Variants in CDKAL1 observed in about 807,000 individuals in gnomAD.
CDKAL1 encodes threonylcarbamoyladenosine tRNA methylthiotransferase.
A neutral mutation model predicts 68.2 loss-of-function variants in CDKAL1; 32 were observed. That is an observed-to-expected ratio of 0.47 (90% confidence interval 0.35 to 0.63). CDKAL1 has a LOEUF of 0.63. Among genes scored for constraint, CDKAL1 ranks in the 30% least tolerant of loss-of-function variants. CDKAL1 has a pLI of 0.00. For synonymous variants in CDKAL1, 234 were observed against 244.3 expected, an observed-to-expected ratio of 0.96 and a Z score of 0.39; for missense variants, 606 against 696.7, an observed-to-expected ratio of 0.87 and a Z score of 1.47.
chr6:21,196,805 C>T (rs1285753413), intron 13 of CDKAL1, among the ~76,000 whole-genome samples: 3 of 152,050 alleles, frequency 2.0e-5, no homozygotes, highest in Admixed American at 1.3e-4. Flanking sequence ...AAATAATCCC[C>T]GGCACAGTCA....
At chr6:21,149,442 G>C (rs1012647880) in intron 13 of CDKAL1, among the ~76,000 whole-genome samples, 2 of 152,084 alleles carry the variant, frequency 1.3e-5, no homozygotes, top group African/African-American at 2.4e-5. Context: ...CACCACGCCT[G>C]GCCCCAAAAA....
chr6:20,626,105 T>TAA (rs1767420962), intron 4 of CDKAL1, among the ~76,000 whole-genome samples: 1 of 152,200 alleles, frequency 6.6e-6, no homozygotes, highest in South Asian at 2.1e-4. Flanking sequence ...AGTTCACTTT[T>TAA]GTTACATTTT....
chr6:20,655,406 A>G (rs1460794916), intron 5 of CDKAL1, among the ~76,000 whole-genome samples: 2 of 152,156 alleles, frequency 1.3e-5, no homozygotes, highest in African/African-American at 4.8e-5. Context: ...TTGACTTGAG[A>G]TGGAAGAATT....
chr6:20,707,193 G>A (rs1771639196), intron 5 of CDKAL1, among the ~76,000 whole-genome samples: 1 of 152,164 alleles, frequency 6.6e-6, no homozygotes. Flanking sequence ...GCAGTGGATA[G>A]CCACCTGCTA....
chr6:20,726,949 C>G (rs1291999885), intron 5 of CDKAL1, among the ~76,000 whole-genome samples: 1 of 152,050 alleles, frequency 6.6e-6, no homozygotes, highest in Non-Finnish European at 1.5e-5. Context: ...TTGTGCAGCC[C>G]CTATAAACTA....
At chr6:20,976,863 G>C (rs942410605) in intron 10 of CDKAL1, among the ~76,000 whole-genome samples, 6 of 152,198 alleles carry the variant, frequency 3.9e-5, no homozygotes, top group Admixed American at 1.3e-4. Flanking sequence ...TTGCTGTGAA[G>C]TGTTGTTTTA....
At chr6:20,833,411 C>T (rs1440281887) in intron 8 of CDKAL1, among the ~76,000 whole-genome samples, 1 of 152,066 alleles carries the variant, frequency 6.6e-6, no homozygotes, top group African/African-American at 2.4e-5. Flanking sequence ...AAACCATCCT[C>T]GCCACTTCCC....
chr6:21,069,804 T>TAA (rs1554169910), intron 12 of CDKAL1, among the ~76,000 whole-genome samples: 2,206 of 85,512 alleles, frequency 0.026, 88 homozygotes, highest in South Asian at 0.053. Flanking sequence ...TTTTTTTTTT[T>TAA]AAAACAGAGC....
intron 10 of CDKAL1, among the ~76,000 whole-genome samples, chr6:20,983,965 T>C (rs1386683504): frequency 6.6e-6 from 1 of 152,134 alleles, no homozygotes; most frequent in Admixed American, 6.5e-5. Flanking sequence ...TGAGAGACAT[T>C]TGATTGAGCA....
chr6:21,003,367 T>TAC (rs1483081425), intron 11 of CDKAL1, among the ~76,000 whole-genome samples: 3 of 65,666 alleles, frequency 4.6e-5, no homozygotes, highest in African/African-American at 2.6e-4. Context: ...TATATATATA[T>TAC]ATATACACAC....
intron 12 of CDKAL1, among the ~76,000 whole-genome samples, chr6:21,071,268 G>A (rs889380205): frequency 1.7e-4 from 26 of 152,022 alleles, no homozygotes; most frequent in African/African-American, 6.0e-4. Flanking sequence ...ATTCCCCCAT[G>A]CTGTTTTCAT....
chr6:20,987,608 T>C (rs971407931), intron 10 of CDKAL1, among the ~76,000 whole-genome samples: 13 of 152,198 alleles, frequency 8.5e-5, no homozygotes, highest in African/African-American at 3.1e-4. Context: ...TAAAACCTTT[T>C]GTTGCTCTTG....
chr6:21,067,095 G>A (rs1057040415), intron 12 of CDKAL1, among the ~76,000 whole-genome samples: 4 of 152,020 alleles, frequency 2.6e-5, no homozygotes, highest in African/African-American at 7.2e-5. Flanking sequence ...GTATATGGCT[G>A]TGCACTTTTG....
At chr6:20,776,544 C>T (rs142858659) in intron 7 of CDKAL1, among the ~76,000 whole-genome samples, 9 of 152,202 alleles carry the variant, frequency 5.9e-5, no homozygotes, top group East Asian at 1.9e-4. Flanking sequence ...AAATGACAGG[C>T]GATGAAACAT....
chr6:20,985,367 C>G (rs1449125383), intron 10 of CDKAL1, among the ~76,000 whole-genome samples: 1 of 152,182 alleles, frequency 6.6e-6, no homozygotes, highest in African/African-American at 2.4e-5. Context: ...GATCTCGGCT[C>G]ACTGCAACCT....
At chr6:21,031,923 G>A (rs910388560) in intron 11 of CDKAL1, among the ~76,000 whole-genome samples, 1 of 152,104 alleles carries the variant, frequency 6.6e-6, no homozygotes, top group Admixed American at 6.5e-5. Context: ...CCTGGTTTAT[G>A]CCTGTTTTCC....
At chr6:21,051,793 A>G (rs1770556307) in intron 11 of CDKAL1, among the ~76,000 whole-genome samples, 1 of 152,224 alleles carries the variant, frequency 6.6e-6, no homozygotes, top group African/African-American at 2.4e-5. Flanking sequence ...GGGAAGCACC[A>G]TCCTGAGCAA....
chr6:21,173,636 C>A (rs1777475964), intron 13 of CDKAL1, among the ~76,000 whole-genome samples: 1 of 152,178 alleles, frequency 6.6e-6, no homozygotes, highest in African/African-American at 2.4e-5. Context: ...GGGGCTATAA[C>A]TGAAAGTTTC....
intron 4 of CDKAL1, among the ~76,000 whole-genome samples, chr6:20,563,821 G>A (rs1764359755): frequency 6.6e-6 from 1 of 152,028 alleles, no homozygotes. Context: ...AATACTAAAA[G>A]CAATCAAACG....
Sources: gnomAD v4.1 joint callset for allele counts (sites outside exome capture counted in the v4.1 genomes callset) on GRCh38, gnomAD v4.1.1 for gene constraint, MANE v1.5 for transcripts, NCBI Gene and HGNC (gene_info 2026-07-23, HGNC 2026-07-21) for gene names.